The following BCAS3 variants were observed in gnomAD, a reference collection of about 807,000 sequenced individuals.
BCAS3 encodes the protein BCAS3 microtubule associated cell migration factor.
BCAS3 carries 53 observed loss-of-function variants against 116.1 expected under a neutral mutation model. That is an observed-to-expected ratio of 0.46 (90% CI 0.37 to 0.57). The LOEUF (loss-of-function observed/expected upper bound fraction) is 0.57. BCAS3 is among the 20% of genes least tolerant of loss of function. BCAS3 has a pLI of 0.00. For missense variants in BCAS3, 917 were observed against 1,165.4 expected (o/e 0.79, Z 3.10); for synonymous variants, 391 against 408.2 (o/e 0.96, Z 0.51).
chr17:60,967,949 T>TTGTTGTTGTTGTTG lies in BCAS3; in HGVS notation c.1221+20598_1221+20599insGTTGTTGTTGTTGT, dbSNP rs2061745680. On this transcript the variant is annotated intron_variant, in intron 14 of 23. Transcript: ENST00000407086. The surrounding 1 kb of genome is among the most constrained non-coding windows in gnomAD (Gnocchi z 4.7). ...AATTTCTGAATTGCTTTTCTGTGTGTTTGTTGTTGTTGTTGTTGTTGTTGT... is the reference window on the plus strand; with the variant it reads ...AATTTCTGAATTGCTTTTCTGTGTGTTGTTGTTGTTGTTGTTGTTGTTGTTGTTGTTGTTGTTGT... Among the ~76,000 whole-genome samples, 11 of 151,256 alleles carry TTGTTGTTGTTGTTG rather than the reference T, an allele frequency of 7.3e-5. No homozygotes were observed. Among genetic ancestry groups the TTGTTGTTGTTGTTG allele is most frequent in the Admixed American group, 1.3e-4 (2 of 15,190 alleles).
chr17:60,923,201 T>C (rs771430130), intron 12 of BCAS3, among the ~76,000 whole-genome samples: 14 of 152,222 alleles, frequency 9.2e-5, no homozygotes, highest in African/African-American at 1.7e-4. Context: ...TTGGAGGTTC[T>C]AGCTAGATCA....
chr17:61,114,017 G>A (rs375768857), intron 22 of BCAS3, among the ~76,000 whole-genome samples: 2 of 151,426 alleles, frequency 1.3e-5, no homozygotes, highest in African/African-American at 4.9e-5. Context: ...ATGCAGAAAA[G>A]GCCTTTGACA....
At position 61,041,461 on chromosome 17, in the gene BCAS3, TA is replaced by T. The variant is rs1179934739; in HGVS notation, c.2029+572del. Among the ~76,000 whole-genome samples the T allele has an allele frequency of 6.7e-6, 1 of 149,736 alleles. No individual in the cohort carries two copies. Among genetic ancestry groups the T allele is most frequent in the Admixed American group, 6.6e-5 (1 of 15,112 alleles). On this transcript the variant is annotated intron_variant, in intron 19 of 23. Coordinates refer to ENST00000407086, the MANE Select transcript of BCAS3 (RefSeq NM_017679.5). The surrounding 1 kb of genome is among the most constrained non-coding windows in gnomAD (Gnocchi z 4.7). ...AACAGCTTTTTATATGGGAGTCATT[TA>T]AAGGCAATTTAGTATTTATTATCCA...
chr17:60,808,050 T>A lies in BCAS3; in HGVS notation c.450T>A (p.Gly150=). Reference sequence around the variant, plus strand: ...TTGCTGAAAAAAGACCCCTCCTTGGTGTTTGTAAGAGCATTGGATCTTCTG... The same window carrying A: ...TTGCTGAAAAAAGACCCCTCCTTGGAGTTTGTAAGAGCATTGGATCTTCTG... ...DNFAEKRPLL[G]VCKSIGSSGT... is the part of the protein sequence containing the mutation. The change falls in exon 7 of 24, where the codon GGT becomes GGA. Residue 150 remains glycine, a synonymous_variant. Coordinates refer to ENST00000407086, the MANE Select transcript of BCAS3 (RefSeq NM_017679.5). 1 of 1,608,596 alleles carries A rather than the reference T, an allele frequency of 6.2e-7. No individual in the cohort carries two copies. Among genetic ancestry groups the A allele is most frequent in the Non-Finnish European group, 8.5e-7 (1 of 1,176,926 alleles).
intron 22 of BCAS3, among the ~76,000 whole-genome samples, chr17:61,341,346 G>A (rs567280814): frequency 6.6e-6 from 1 of 152,348 alleles, no homozygotes; most frequent in East Asian, 1.9e-4. Context: ...CTCCGGGGCA[G>A]GCGGTGTCCT....
Position 61,313,891 on chromosome 17 carries a change from C to T in BCAS3, c.2426-54436C>T, listed in dbSNP as rs1479717102. On this transcript the variant is annotated intron_variant, in intron 22 of 23. Transcript: ENST00000407086. This position sits in a 1 kb window ranked among gnomAD's most constrained non-coding sequence, Gnocchi z 4.3. ...ACACGTGGGCCTGCTGTCTCCTCCA[C>T]CAGCCCCACTCGCCCGGCCCCATAC... 6.6e-6 allele frequency among the ~76,000 whole-genome samples: 1 copy of T among 152,212 alleles called. No homozygotes were observed. The highest frequency in any genetic ancestry group is 1.5e-5 in the Non-Finnish European group (1 of 68,042).
intron 9 of BCAS3, among the ~76,000 whole-genome samples, chr17:60,875,384 G>T (rs2055503564): frequency 6.6e-6 from 1 of 152,004 alleles, no homozygotes; most frequent in Non-Finnish European, 1.5e-5. Flanking sequence ...CAGATTTTCT[G>T]TATGATGGAA....
intron 14 of BCAS3, among the ~76,000 whole-genome samples, chr17:60,984,665 T>A (rs541019662): frequency 3.4e-4 from 52 of 152,128 alleles, no homozygotes; most frequent in Middle Eastern, 6.8e-3. Flanking sequence ...TTTAAAAAAA[T>A]TTTTTGTGGG....
chr17:60,976,591 C>G (rs1019957789), intron 14 of BCAS3, among the ~76,000 whole-genome samples: 1 of 152,060 alleles, frequency 6.6e-6, no homozygotes, highest in African/African-American at 2.4e-5. Context: ...CTGCCGCCTT[C>G]CACAGTGTTT....
At chr17:61,382,341 A>G (rs2059644344) in intron 23 of BCAS3, among the ~76,000 whole-genome samples, 1 of 151,134 alleles carries the variant, frequency 6.6e-6, no homozygotes, top group South Asian at 2.1e-4. Flanking sequence ...GCTCACTGCA[A>G]TGTCCGCCTC....
intron 6 of BCAS3, among the ~76,000 whole-genome samples, chr17:60,806,194 T>C (rs1214042785): frequency 6.6e-6 from 1 of 152,032 alleles, no homozygotes; most frequent in Non-Finnish European, 1.5e-5. Flanking sequence ...AATTATTACA[T>C]GCTAGGTTGA....
chr17:61,154,748 AGGGATTTTGTTCTTG>A (rs2092492355), intron 22 of BCAS3, among the ~76,000 whole-genome samples: 1 of 152,154 alleles, frequency 6.6e-6, no homozygotes, highest in Admixed American at 6.6e-5. Flanking sequence ...CCAGCCTCAG[AGGGATTTTGTTCTTG>A]AGAACTAAAA....
chr17:60,747,574 T>C (rs968190514), intron 6 of BCAS3, among the ~76,000 whole-genome samples: 2 of 152,214 alleles, frequency 1.3e-5, no homozygotes, highest in Admixed American at 1.3e-4. Flanking sequence ...TTTTTCTCTC[T>C]TGGTTTTCAT....
chr17:60,772,054 C>A (rs942289803), intron 6 of BCAS3, among the ~76,000 whole-genome samples: 1 of 152,122 alleles, frequency 6.6e-6, no homozygotes, highest in Non-Finnish European at 1.5e-5. Flanking sequence ...GATTTATAAT[C>A]CTTTGGGTAT....
chr17:61,373,481 GTGC>G (rs2094774005), intron 23 of BCAS3, among the ~76,000 whole-genome samples: 1 of 150,582 alleles, frequency 6.6e-6, no homozygotes, highest in African/African-American at 2.4e-5. Flanking sequence ...CCAGACTGGA[GTGC>G]TGTGGCACGA....
intron 19 of BCAS3, among the ~76,000 whole-genome samples, chr17:61,044,918 C>T (rs929748423): frequency 1.3e-5 from 2 of 151,744 alleles, no homozygotes; most frequent in African/African-American, 4.8e-5. Context: ...CACGCCACCA[C>T]ACCTGGCTAA....
At chr17:61,109,776 T>C (rs866811565) in intron 22 of BCAS3, among the ~76,000 whole-genome samples, 1 of 152,352 alleles carries the variant, frequency 6.6e-6, no homozygotes, top group Middle Eastern at 3.4e-3. Flanking sequence ...AACCCACTTT[T>C]TGATGTGATT....
intron 15 of BCAS3, among the ~76,000 whole-genome samples, chr17:60,992,189 T>TCC (rs1555654103): frequency 0.058 from 7,526 of 130,038 alleles, 669 homozygotes; most frequent in African/African-American, 0.2. Flanking sequence ...TCCGATGACT[T>TCC]ACACACACAC....
At chr17:61,225,505 C>G (rs2082326873) in intron 22 of BCAS3, among the ~76,000 whole-genome samples, 1 of 152,120 alleles carries the variant, frequency 6.6e-6, no homozygotes, top group African/African-American at 2.4e-5. Context: ...GGTTAATTCA[C>G]AAAATCATAA....
Sources: gnomAD v4.1 joint callset for allele counts (sites outside exome capture counted in the v4.1 genomes callset) on GRCh38, gnomAD v4.1.1 for gene constraint, Gnocchi (gnomAD v3.1) non-coding constraint, MANE v1.5 for transcripts, NCBI Gene and HGNC (gene_info 2026-07-23, HGNC 2026-07-21) for gene names.